Variants in IGBP1C observed in about 807,000 individuals in gnomAD.
The protein encoded by IGBP1C is immunoglobulin-binding protein 1 family member C.
chr17:58,661,248 A>G, the IGBP1C span: 1 of 795,764 alleles, frequency 1.3e-6, no homozygotes, highest in East Asian at 2.4e-5. Flanking sequence ...TAGTAATGGC[A>G]CTGAGTTAAG....
At chr17:58,663,498 A>T in the IGBP1C span, among the ~76,000 whole-genome samples, 2 of 149,222 alleles carry the variant, frequency 1.3e-5, no homozygotes, top group Non-Finnish European at 3.0e-5. Context: ...ACAGAGTCTC[A>T]CTCTGTCACT....
chr17:58,689,314 G>C, the IGBP1C span, among the ~76,000 whole-genome samples: 2 of 152,024 alleles, frequency 1.3e-5, no homozygotes, highest in African/African-American at 4.8e-5. Flanking sequence ...TCTGCCTCCT[G>C]GGTTCAAGCT....
chr17:58,667,230 C>T, the IGBP1C span, among the ~76,000 whole-genome samples: 1 of 152,172 alleles, frequency 6.6e-6, no homozygotes, highest in East Asian at 1.9e-4. Flanking sequence ...GCAGGCTGTA[C>T]TGCAGAGTGG....
the IGBP1C span, among the ~76,000 whole-genome samples, chr17:58,682,059 TCAA>T: frequency 6.6e-6 from 1 of 151,534 alleles, no homozygotes; most frequent in Non-Finnish European, 1.5e-5. Flanking sequence ...CCCCCAGGGG[TCAA>T]GTGAGCCTCC....
the IGBP1C span, among the ~76,000 whole-genome samples, chr17:58,688,599 G>A: frequency 1.6e-4 from 24 of 152,090 alleles, no homozygotes; most frequent in African/African-American, 5.8e-4. Flanking sequence ...ATTTAATCTT[G>A]ACCAAAACCC....
chr17:58,673,484 A>AAAATAAATAAATAAATAAAT, the IGBP1C span, among the ~76,000 whole-genome samples: 2 of 143,422 alleles, frequency 1.4e-5, no homozygotes, highest in African/African-American at 2.6e-5. Flanking sequence ...CTCCATCTCA[A>AAAATAAATAAATAAATAAAT]AAATAAATAA....
chr17:58,683,805 G>A, the IGBP1C span, among the ~76,000 whole-genome samples: 3 of 151,242 alleles, frequency 2.0e-5, no homozygotes, highest in Non-Finnish European at 4.4e-5. Flanking sequence ...AGTGGTTCCC[G>A]CCTGTAATCC....
the IGBP1C span, among the ~76,000 whole-genome samples, chr17:58,666,314 C>T: frequency 9.2e-5 from 14 of 151,936 alleles, no homozygotes; most frequent in Non-Finnish European, 1.8e-4. Flanking sequence ...CTCCACTGCA[C>T]TCCAGCCTGG....
chr17:58,676,520 A>G, the IGBP1C span, among the ~76,000 whole-genome samples: 5 of 152,268 alleles, frequency 3.3e-5, no homozygotes, highest in East Asian at 7.7e-4. Flanking sequence ...AGATCATGCC[A>G]TTGCACTCCA....
chr17:58,661,524 C>G, the IGBP1C span: 1 of 778,456 alleles, frequency 1.3e-6, no homozygotes, highest in Admixed American at 1.7e-5. Context: ...TCGACTTCGT[C>G]CAGAAGCTGT....
the IGBP1C span, chr17:58,661,440 C>A: frequency 1.2e-5 from 10 of 802,250 alleles, 1 homozygote; most frequent in Admixed American, 1.0e-4. Flanking sequence ...ATTTTGGCAA[C>A]CTTGTCAAGG....
the IGBP1C span, among the ~76,000 whole-genome samples, chr17:58,664,392 C>T: frequency 6.6e-6 from 1 of 152,176 alleles, no homozygotes; most frequent in Admixed American, 6.6e-5. Context: ...ACATTGTCTA[C>T]TCCAGTATTT....
chr17:58,674,762 C>T, the IGBP1C span, among the ~76,000 whole-genome samples: 36,208 of 147,862 alleles, frequency 0.24, 5,233 homozygotes, highest in Middle Eastern at 0.42. Context: ...ACATCAAAAG[C>T]ACAAGTATAG....
the IGBP1C span, among the ~76,000 whole-genome samples, chr17:58,690,570 T>C: frequency 6.6e-6 from 1 of 152,204 alleles, no homozygotes; most frequent in East Asian, 1.9e-4. Flanking sequence ...AATGTGGTAA[T>C]ACCATGTTTT....
At chr17:58,665,261 G>A in the IGBP1C span, among the ~76,000 whole-genome samples, 1 of 151,616 alleles carries the variant, frequency 6.6e-6, no homozygotes, top group African/African-American at 2.4e-5. Context: ...CAAAGTACTG[G>A]GATTACAAGC....
chr17:58,661,794 G>C, the IGBP1C span: 1 of 496,812 alleles, frequency 2.0e-6, no homozygotes, highest in Non-Finnish European at 3.5e-6. Context: ...CTCCACTCCG[G>C]GTCTTCGTCA....
the IGBP1C span, chr17:58,661,830 C>T: frequency 2.1e-6 from 1 of 467,694 alleles, no homozygotes; most frequent in South Asian, 4.1e-5. Flanking sequence ...TTTCCGTTTC[C>T]TAAAATTGTA....
At chr17:58,689,721 T>C in the IGBP1C span, among the ~76,000 whole-genome samples, 1 of 152,174 alleles carries the variant, frequency 6.6e-6, no homozygotes, top group African/African-American at 2.4e-5. Flanking sequence ...CATAGCTTTG[T>C]TTAGTTCCTA....
At chr17:58,668,748 T>A in the IGBP1C span, among the ~76,000 whole-genome samples, 1 of 152,112 alleles carries the variant, frequency 6.6e-6, no homozygotes, top group East Asian at 1.9e-4. Flanking sequence ...ATAATCTGGA[T>A]CACCCAGAAA....
Sources: allele counts gnomAD v4.1 joint callset (sites outside exome capture counted in the v4.1 genomes callset), GRCh38; gene constraint gnomAD v4.1.1; transcripts MANE v1.5; gene names NCBI Gene and HGNC (gene_info 2026-07-23, HGNC 2026-07-21).